RPS6KC1: variants seen among roughly 807,000 people sequenced by gnomAD.
RPS6KC1 encodes the protein ribosomal protein S6 kinase C1.
Under a neutral mutation model 103.8 loss-of-function variants are expected in RPS6KC1, and 54 were observed. That is an observed-to-expected ratio of 0.52 (90% CI 0.42 to 0.65). The LOEUF is 0.65. RPS6KC1 is among the 30% of genes least tolerant of loss of function. RPS6KC1 has a pLI of 0.00. For missense variants in RPS6KC1, 1,151 were observed against 1,253.8 expected, an observed-to-expected ratio of 0.92 and a Z score of 1.24; for synonymous variants, 439 against 438.7, an observed-to-expected ratio of 1.00 and a Z score of -0.01.
chr1:213,468,339 A>G, the RPS6KC1 span, among the ~76,000 whole-genome samples: 319 of 152,366 alleles, frequency 2.1e-3, no homozygotes, highest in African/African-American at 6.9e-3. Flanking sequence ...TAGGAAGCCA[A>G]GCTGGGAAGA....
chr1:213,344,411 T>C, the RPS6KC1 span, among the ~76,000 whole-genome samples: 1 of 152,232 alleles, frequency 6.6e-6, no homozygotes, highest in African/African-American at 2.4e-5. Flanking sequence ...TAAAAAGCTG[T>C]CTTAAAAATC....
the RPS6KC1 span, among the ~76,000 whole-genome samples, chr1:213,828,920 A>G: frequency 2.0e-5 from 3 of 152,222 alleles, no homozygotes; most frequent in Admixed American, 2.0e-4. Context: ...ATGTAATCAC[A>G]GTTTTTAATT....
At chr1:213,195,970 A>G (rs1230892643) in intron 8 of RPS6KC1, among the ~76,000 whole-genome samples, 1 of 151,956 alleles carries the variant, frequency 6.6e-6, no homozygotes, top group Non-Finnish European at 1.5e-5. Flanking sequence ...TCATATAATG[A>G]CTTCTTTTCC....
the RPS6KC1 span, among the ~76,000 whole-genome samples, chr1:213,749,835 C>T: frequency 2.0e-5 from 3 of 152,154 alleles, no homozygotes; most frequent in East Asian, 3.9e-4. Flanking sequence ...TGCTATGAGA[C>T]GAGCGAACAC....
intron 8 of RPS6KC1, among the ~76,000 whole-genome samples, chr1:213,196,037 T>G (rs2092934587): frequency 6.6e-6 from 1 of 152,210 alleles, no homozygotes; most frequent in Non-Finnish European, 1.5e-5. Context: ...CTACTGTTAG[T>G]TCTTTAAAGA....
the RPS6KC1 span, among the ~76,000 whole-genome samples, chr1:213,711,403 A>G: frequency 6.6e-6 from 1 of 152,124 alleles, no homozygotes; most frequent in Non-Finnish European, 1.5e-5. Context: ...CTAGTTAGCA[A>G]TTCCTGTAAC....
intron 6 of RPS6KC1, among the ~76,000 whole-genome samples, chr1:213,161,223 G>C (rs1337943521): frequency 6.6e-6 from 1 of 152,052 alleles, no homozygotes; most frequent in Non-Finnish European, 1.5e-5. Flanking sequence ...TTTTCACTCT[G>C]GTAGTTTATA....
chr1:213,764,664 A>G, the RPS6KC1 span, among the ~76,000 whole-genome samples: 1 of 152,086 alleles, frequency 6.6e-6, no homozygotes, highest in Admixed American at 6.5e-5. Flanking sequence ...GCTCTTGGGG[A>G]CAGGGAGTCA....
the RPS6KC1 span, among the ~76,000 whole-genome samples, chr1:213,628,332 C>G: frequency 3.3e-5 from 5 of 152,160 alleles, no homozygotes; most frequent in South Asian, 1.0e-3. Context: ...ATTAGTCTTG[C>G]TAGCGGTCTA....
the RPS6KC1 span, among the ~76,000 whole-genome samples, chr1:213,379,931 C>A: frequency 8.5e-5 from 13 of 152,126 alleles, no homozygotes; most frequent in Admixed American, 3.9e-4. Flanking sequence ...TCCTCAAAGA[C>A]CTAAAGACAG....
the RPS6KC1 span, among the ~76,000 whole-genome samples, chr1:213,402,646 C>T: frequency 6.6e-6 from 1 of 152,072 alleles, no homozygotes. Flanking sequence ...TTTATATCCC[C>T]AGCTCTTGCT....
At chr1:213,417,081 G>A in the RPS6KC1 span, among the ~76,000 whole-genome samples, 2 of 152,132 alleles carry the variant, frequency 1.3e-5, no homozygotes, top group Non-Finnish European at 2.9e-5. Context: ...CACCACCCCA[G>A]GGATGGGCTA....
chr1:213,410,803 A>C, the RPS6KC1 span, among the ~76,000 whole-genome samples: 1 of 148,978 alleles, frequency 6.7e-6, no homozygotes, highest in Admixed American at 6.7e-5. Flanking sequence ...TTAACTTGTC[A>C]GGGACAGAAA....
At chr1:213,159,146 A>C (rs751001435) in intron 6 of RPS6KC1, among the ~76,000 whole-genome samples, 1 of 152,042 alleles carries the variant, frequency 6.6e-6, no homozygotes, top group African/African-American at 2.4e-5. Flanking sequence ...TTCTGTTGAT[A>C]CTCAGGAGGC....
chr1:213,249,584 C>T (rs2094509593), intron 12 of RPS6KC1, among the ~76,000 whole-genome samples: 2 of 152,154 alleles, frequency 1.3e-5, no homozygotes, highest in Non-Finnish European at 2.9e-5. Context: ...TTCAGTTAGC[C>T]TTTTTCTCAT....
the RPS6KC1 span, among the ~76,000 whole-genome samples, chr1:213,348,466 A>C: frequency 6.6e-6 from 1 of 152,212 alleles, no homozygotes; most frequent in Non-Finnish European, 1.5e-5. Flanking sequence ...CTTGCTCTTA[A>C]AAGAAAAACT....
At chr1:213,849,663 T>A in the RPS6KC1 span, among the ~76,000 whole-genome samples, 1 of 152,306 alleles carries the variant, frequency 6.6e-6, no homozygotes, top group South Asian at 2.1e-4. Context: ...AGGATCTGTA[T>A]ATAAATCACA....
chr1:213,708,611 G>A, the RPS6KC1 span, among the ~76,000 whole-genome samples: 1 of 152,108 alleles, frequency 6.6e-6, no homozygotes, highest in African/African-American at 2.4e-5. Context: ...GTGAGAGAGG[G>A]CATCCTTGTC....
intron 4 of RPS6KC1, among the ~76,000 whole-genome samples, chr1:213,112,037 G>A (rs895767199): frequency 1.3e-5 from 2 of 152,050 alleles, no homozygotes; most frequent in Admixed American, 1.3e-4. Flanking sequence ...AATTTGAGAG[G>A]GACCATTTCA....
Sources: gnomAD v4.1 joint callset for allele counts (sites outside exome capture counted in the v4.1 genomes callset) on GRCh38, gnomAD v4.1.1 for gene constraint, MANE v1.5 for transcripts, NCBI Gene and HGNC (gene_info 2026-07-23, HGNC 2026-07-21) for gene names.